FGGY: variants seen among roughly 807,000 people sequenced by gnomAD.
FGGY encodes the protein FGGY carbohydrate kinase domain containing.
FGGY carries 72 observed loss-of-function variants against 71.3 expected under a neutral mutation model. The observed-to-expected ratio is 1.01, with a 90% CI of 0.84 to 1.23. FGGY has a LOEUF of 1.23. FGGY is among the 50% of genes most tolerant of loss of function. The pLI is 0.00. For missense variants in FGGY, 668 were observed against 682.3 expected, an observed-to-expected ratio of 0.98 and a Z score of 0.23; for synonymous variants, 251 against 250.3, an observed-to-expected ratio of 1.00 and a Z score of -0.02.
At chr1:59,353,087 C>G (rs1473105902) in intron 4 of FGGY, among the ~76,000 whole-genome samples, 1 of 152,150 alleles carries the variant, frequency 6.6e-6, no homozygotes, top group East Asian at 1.9e-4. Flanking sequence ...GCCAAACTTG[C>G]ATTTAAATTT....
rs371251494 is a variant in FGGY, at chr1:59,736,268, G to A, written c.1513-21663G>A. On this transcript the variant is annotated intron_variant, in intron 14 of 15. Coordinates refer to ENST00000303721, the MANE Select transcript of FGGY (RefSeq NM_018291.5). ...TTTGGGATATGTCTTTATCAGCAGC[G>A]TGAAAATAGACTAATATAGTAAATT... 1.8e-3 allele frequency among the ~76,000 whole-genome samples: 271 copies of A among 152,176 alleles called. 4 individuals carry two copies. Among genetic ancestry groups the A allele is most frequent in the African/African-American group, 5.7e-3 (237 of 41,514 alleles).
intron 6 of FGGY, among the ~76,000 whole-genome samples, chr1:59,503,565 G>A (rs1383970220): frequency 2.2e-5 from 3 of 135,750 alleles, no homozygotes; most frequent in Non-Finnish European, 4.6e-5. Flanking sequence ...CTATTTTCTA[G>A]GTATACGCAT....
At chr1:59,583,761 G>A (rs1330795301) in intron 8 of FGGY, among the ~76,000 whole-genome samples, 2 of 142,252 alleles carry the variant, frequency 1.4e-5, no homozygotes, top group African/African-American at 5.5e-5. Context: ...CCCCGAGCCA[G>A]GAGAGCCAGT....
chr1:59,736,797 C>T (rs2098109101), intron 14 of FGGY, among the ~76,000 whole-genome samples: 1 of 152,244 alleles, frequency 6.6e-6, no homozygotes, highest in Admixed American at 6.5e-5. Flanking sequence ...AGGAGGAAGT[C>T]AAGCCAGCTG....
intron 14 of FGGY, among the ~76,000 whole-genome samples, chr1:59,722,965 T>G (rs995724152): frequency 6.6e-5 from 10 of 151,942 alleles, no homozygotes; most frequent in Admixed American, 2.0e-4. Flanking sequence ...CCCGGCTAAT[T>G]TTTTTGTATT....
chr1:59,302,120 C>T (rs1306425831), intron 1 of FGGY, among the ~76,000 whole-genome samples: 1 of 151,756 alleles, frequency 6.6e-6, no homozygotes, highest in Non-Finnish European at 1.5e-5. Flanking sequence ...TCTTGTGTTC[C>T]TGAGATAAAC....
chr1:59,491,991 T>C (rs2093880697), intron 6 of FGGY, among the ~76,000 whole-genome samples: 1 of 152,200 alleles, frequency 6.6e-6, no homozygotes, highest in Admixed American at 6.6e-5. Context: ...TCCTTCTGGC[T>C]CTGGAGTTCT....
chr1:59,601,787 CAG>C (rs2096580808), intron 8 of FGGY, among the ~76,000 whole-genome samples: 1 of 152,196 alleles, frequency 6.6e-6, no homozygotes, highest in African/African-American at 2.4e-5. Context: ...AGTTTGAAAT[CAG>C]TGTGTATCCA....
chr1:59,690,765 C>T (rs1368722970), intron 14 of FGGY, among the ~76,000 whole-genome samples: 1 of 152,212 alleles, frequency 6.6e-6, no homozygotes, highest in African/African-American at 2.4e-5. Context: ...CACAGAAACC[C>T]AGCCACTTAA....
At chr1:59,558,029 G>A (rs945059185) in intron 8 of FGGY, among the ~76,000 whole-genome samples, 2 of 152,068 alleles carry the variant, frequency 1.3e-5, no homozygotes, top group African/African-American at 4.8e-5. Context: ...AAAGACATAG[G>A]CTCATACGCT....
chr1:59,390,707 T>A, intron 5 of FGGY, among the ~76,000 whole-genome samples: 1 of 152,162 alleles, frequency 6.6e-6, no homozygotes, highest in Non-Finnish European at 1.5e-5. Context: ...AAAGGGAGAA[T>A]TGATATGGGG....
chr1:59,373,007 G>T (rs991639665), intron 4 of FGGY, among the ~76,000 whole-genome samples: 1 of 152,098 alleles, frequency 6.6e-6, no homozygotes, highest in Admixed American at 6.6e-5. Context: ...CACAAGACAG[G>T]GATGCCCTCT....
chr1:59,758,582 T>C (rs1019952184), intron 15 of FGGY, among the ~76,000 whole-genome samples: 3 of 152,198 alleles, frequency 2.0e-5, no homozygotes, highest in Admixed American at 6.5e-5. Context: ...GATGGGAGCC[T>C]GTAGAGATGA....
chr1:59,304,340 C>A (rs2043159701), intron 1 of FGGY, among the ~76,000 whole-genome samples: 1 of 152,038 alleles, frequency 6.6e-6, no homozygotes, highest in Non-Finnish European at 1.5e-5. Context: ...TCCTTTTCCC[C>A]ATTGTGTTTT....
chr1:59,726,714 G>A (rs530122401), intron 14 of FGGY, among the ~76,000 whole-genome samples: 2 of 152,160 alleles, frequency 1.3e-5, no homozygotes, highest in South Asian at 4.1e-4. Context: ...GCCAATGTTA[G>A]TAATTTGTAA....
intron 6 of FGGY, among the ~76,000 whole-genome samples, chr1:59,499,299 G>GTTTTTGTTT: frequency 9.5e-6 from 1 of 105,820 alleles, no homozygotes; most frequent in African/African-American, 3.9e-5. Context: ...TACTATGTTT[G>GTTTTTGTTT]TTTTTTTTTT....
chr1:59,378,378 G>A (rs551801907), intron 4 of FGGY, among the ~76,000 whole-genome samples: 5 of 151,224 alleles, frequency 3.3e-5, no homozygotes, highest in South Asian at 4.2e-4. Flanking sequence ...CTGCTGCCAC[G>A]ATTGTGAGGC....
At position 59,357,544 on chromosome 1, in the gene FGGY, A is replaced by G. The variant is rs558565219; in HGVS notation, c.465+11146A>G. ...TCCTTTGGGCTTAAACTGGAGCCAA[A>G]TGAAGTCCCTTGGATCTTAATGAAG... On this transcript the variant is annotated intron_variant, in intron 4 of 15. Transcript: ENST00000303721. Among the ~76,000 whole-genome samples, 3 of 152,296 alleles carry G rather than the reference A, an allele frequency of 2.0e-5. No homozygotes were observed. The East Asian group carries it at 5.8e-4, about 29-fold the overall frequency.
intron 5 of FGGY, among the ~76,000 whole-genome samples, chr1:59,397,039 T>C (rs1571588298): frequency 7.4e-6 from 1 of 135,834 alleles, no homozygotes; most frequent in Non-Finnish European, 1.5e-5. Flanking sequence ...GAGTCTGCTT[T>C]TTTTTTTTTT....
Sources: allele counts gnomAD v4.1 joint callset (sites outside exome capture counted in the v4.1 genomes callset), GRCh38; gene constraint gnomAD v4.1.1; transcripts MANE v1.5; gene names NCBI Gene and HGNC (gene_info 2026-07-23, HGNC 2026-07-21).